The following ADRA1A variants were observed in gnomAD, a reference collection of about 807,000 sequenced individuals.
ADRA1A encodes the protein alpha-1A adrenergic receptor.
In ADRA1A, 31 loss-of-function variants were observed where a neutral mutation model predicts 29.6. The observed-to-expected ratio is 1.05, with a 90% CI of 0.79 to 1.41. ADRA1A has a LOEUF of 1.41. Among genes scored for constraint, ADRA1A ranks in the 40% most tolerant of loss-of-function variants. ADRA1A has a pLI of 0.00. For missense variants in ADRA1A, 619 were observed against 601.1 expected (o/e 1.03, Z -0.31); for synonymous variants, 311 against 254.3 (o/e 1.22, Z -2.12).
chr8:26,762,420 A>T (rs1458887115), downstream of ADRA1A, among the ~76,000 whole-genome samples: 1 of 152,148 alleles, frequency 6.6e-6, no homozygotes, highest in Admixed American at 6.5e-5. The surrounding 1 kb of genome is among the most constrained non-coding windows in gnomAD (Gnocchi z 4.0). Context: ...TCACAGAATC[A>T]GGCTGACCTG....
chr8:26,823,282 A>ACT lies in ADRA1A; in HGVS notation c.883+40803_883+40804dup, dbSNP rs59660574. On this transcript the variant is annotated intron_variant, in intron 2 of 2. Coordinates refer to ENST00000380573, the MANE Select transcript of ADRA1A (RefSeq NM_000680.4). The surrounding 1 kb of genome is among the most constrained non-coding windows in gnomAD (Gnocchi z 4.2). ...ACATGGTATAGTGTCTGCCTTCCAC[A>ACT]CTGTCACGTGCTGGGGGCTGGGCAT... 0.092 allele frequency among the ~76,000 whole-genome samples: 13,975 copies of ACT among 152,020 alleles called. 1,234 individuals carry two copies. The highest frequency in any genetic ancestry group is 0.36 in the East Asian group (1,875 of 5,138).
At position 26,867,191 on chromosome 8, in the gene ADRA1A, G is replaced by C; in HGVS notation, c.-942C>G. The C allele has an allele frequency of 2.0e-6, 2 of 985,378 alleles. No homozygotes were observed. The highest frequency in any genetic ancestry group is 2.4e-6 in the Non-Finnish European group (2 of 829,932). 61.0% of individuals were successfully genotyped at this position (985,378 alleles called of 1,614,324 possible). On this transcript the variant is annotated 5_prime_UTR_variant, in exon 1 of 3. Transcript: ENST00000380573. Reference sequence around the variant, plus strand: ...AAAGAAAAAAAAATGCAGATAACCGGTAACTCCACAATCACCCTTTTAATA... The same window carrying C: ...AAAGAAAAAAAAATGCAGATAACCGCTAACTCCACAATCACCCTTTTAATA...
intron 2 of ADRA1A, among the ~76,000 whole-genome samples, chr8:26,855,464 A>C (rs11782159): frequency 0.46 from 69,701 of 151,096 alleles, 16,708 homozygotes; most frequent in African/African-American, 0.6. Flanking sequence ...CAAAAAGCAC[A>C]GATAGGAAAT....
In ADRA1A at chr8:26,825,898, T is replaced by G. The variant is rs747123434; in HGVS notation, c.883+38189A>C. On this transcript the variant is annotated intron_variant, in intron 2 of 2. Transcript: ENST00000380573. This position sits in a 1 kb window ranked among gnomAD's most constrained non-coding sequence, Gnocchi z 5.7. ...TGTTTGCATGAGGACATGAGCCCCA[T>G]TCCTTGAATTCCTACAATGTCCCAA... 2.0e-5 allele frequency among the ~76,000 whole-genome samples: 3 copies of G among 152,218 alleles called. No homozygotes were observed. Among genetic ancestry groups the G allele is most frequent in the Admixed American group, 6.5e-5 (1 of 15,280 alleles).
chr8:26,825,183 C>T lies in ADRA1A; in HGVS notation c.883+38904G>A, dbSNP rs567221194. Among the ~76,000 whole-genome samples the T allele has an allele frequency of 6.6e-6, 1 of 152,304 alleles. No homozygotes were observed. Among genetic ancestry groups the T allele is most frequent in the Non-Finnish European group, 1.5e-5 (1 of 68,026 alleles). ...CCTGAGCTTGCTAGGCCTTCCAGGG[C>T]CTCGGTCCCCACATCTGTGTTGGGA... On this transcript the variant is annotated intron_variant, in intron 2 of 2. Transcript: ENST00000380573. This position sits in a 1 kb window ranked among gnomAD's most constrained non-coding sequence, Gnocchi z 5.7.
At chr8:26,754,928 C>T (rs976308073), downstream of ADRA1A, among the ~76,000 whole-genome samples, 13 of 152,182 alleles carry the variant, frequency 8.5e-5, no homozygotes, top group African/African-American at 2.9e-4. Context: ...GGTGTGAAAG[C>T]CAGCCTTTGG....
exon 3 of ADRA1A, chr8:26,756,710 T>A (rs776557185): frequency 1.2e-6 from 2 of 1,614,006 alleles, no homozygotes; most frequent in East Asian, 4.5e-5. Context: ...GGTTTCATGC[T>A]CCCCTTCCTT....
rs1810163166 is a variant in ADRA1A at position 26,821,421 on chromosome 8, G to A, written c.883+42666C>T. ...AGAGCAAGGGAGTGGGGAGGCCTCAGACTTTTAAACAAGCAGACCTCGAGT... is the reference window on the plus strand; with the variant it reads ...AGAGCAAGGGAGTGGGGAGGCCTCAAACTTTTAAACAAGCAGACCTCGAGT... On this transcript the variant is annotated intron_variant, in intron 2 of 2. Coordinates refer to ENST00000380573, the MANE Select transcript of ADRA1A (RefSeq NM_000680.4). This position sits in a 1 kb window ranked among gnomAD's most constrained non-coding sequence, Gnocchi z 5.6. Among the ~76,000 whole-genome samples, 2 of 152,052 alleles carry A rather than the reference G, an allele frequency of 1.3e-5. No individual in the cohort carries two copies. The highest frequency in any genetic ancestry group is 2.9e-5 in the Non-Finnish European group (2 of 68,024).
At chr8:26,838,560 C>T (rs1811561860) in intron 2 of ADRA1A, among the ~76,000 whole-genome samples, 1 of 152,150 alleles carries the variant, frequency 6.6e-6, no homozygotes, top group Non-Finnish European at 1.5e-5. Context: ...CAGGTTAGGC[C>T]TATGGAATAC....
chr8:26,784,893 T>C (rs7017511), intron 2 of ADRA1A, among the ~76,000 whole-genome samples: 5,826 of 152,208 alleles, frequency 0.038, 238 homozygotes, highest in African/African-American at 0.099. Context: ...GGAACTTGGC[T>C]TTACCATCAA....
intron 2 of ADRA1A, among the ~76,000 whole-genome samples, chr8:26,820,133 C>A (rs964558941): frequency 2.6e-5 from 4 of 152,006 alleles, no homozygotes; most frequent in African/African-American, 7.2e-5. Context: ...AAATAGAGAG[C>A]AATATAATAA....
intron 2 of ADRA1A, among the ~76,000 whole-genome samples, chr8:26,816,780 G>C (rs1809798582): frequency 6.6e-6 from 1 of 152,132 alleles, no homozygotes; most frequent in Admixed American, 6.5e-5. Context: ...ACCTAAAGCG[G>C]AATATGGAGA....
intron 2 of ADRA1A, among the ~76,000 whole-genome samples, chr8:26,782,333 T>C (rs905020432): frequency 2.0e-5 from 3 of 152,216 alleles, no homozygotes; most frequent in African/African-American, 7.2e-5. Flanking sequence ...ATAGGAATTT[T>C]AATAGCTCAT....
At chr8:26,795,927 C>T (rs1313013583) in intron 2 of ADRA1A, among the ~76,000 whole-genome samples, 2 of 152,020 alleles carry the variant, frequency 1.3e-5, no homozygotes, top group Non-Finnish European at 2.9e-5. Flanking sequence ...ATAAACCATT[C>T]ATACTATATG....
intron 2 of ADRA1A, among the ~76,000 whole-genome samples, chr8:26,843,990 G>A (rs1232066939): frequency 6.6e-6 from 1 of 152,160 alleles, no homozygotes; most frequent in African/African-American, 2.4e-5. Flanking sequence ...AAAATCATGG[G>A]AGTTTTGAGC....
chr8:26,824,693 T>TA (rs1457202320), intron 2 of ADRA1A, among the ~76,000 whole-genome samples: 4 of 152,038 alleles, frequency 2.6e-5, no homozygotes, highest in Non-Finnish European at 5.9e-5. Flanking sequence ...GGGCCTATGT[T>TA]AAAAAATGCT....
At chr8:26,858,398 C>A (rs952527068) in intron 2 of ADRA1A, among the ~76,000 whole-genome samples, 1 of 152,198 alleles carries the variant, frequency 6.6e-6, no homozygotes, top group Non-Finnish European at 1.5e-5. Context: ...TGCATGTTGA[C>A]ATACATCAGT....
At chr8:26,797,389 T>C (rs1276598420) in intron 2 of ADRA1A, among the ~76,000 whole-genome samples, 1 of 152,096 alleles carries the variant, frequency 6.6e-6, no homozygotes, top group Non-Finnish European at 1.5e-5. Flanking sequence ...CTTCAACTCC[T>C]GGGCTTAAGC....
At chr8:26,759,373 C>CT (rs199869559) in intron 2 of ADRA1A, among the ~76,000 whole-genome samples, 141 of 151,438 alleles carry the variant, frequency 9.3e-4, no homozygotes, top group African/African-American at 3.3e-3. Context: ...AAGTATGACT[C>CT]TTTTTTTTTA....
Sources: allele counts gnomAD v4.1 joint callset (sites outside exome capture counted in the v4.1 genomes callset), GRCh38; gene constraint gnomAD v4.1.1; non-coding constraint Gnocchi (gnomAD v3.1); transcripts MANE v1.5; gene names NCBI Gene and HGNC (gene_info 2026-07-23, HGNC 2026-07-21).